Variants in PDE10A observed in about 807,000 individuals in gnomAD.
PDE10A encodes cAMP and cAMP-inhibited cGMP 3',5'-cyclic phosphodiesterase 10A.
In PDE10A, 39 loss-of-function variants were observed where a neutral mutation model predicts 97.7. That is an observed-to-expected ratio of 0.40 (90% CI 0.31 to 0.52). The LOEUF (loss-of-function observed/expected upper bound fraction) is 0.52, where lower values mean the gene tolerates loss of function less well. PDE10A is among the 20% of genes least tolerant of loss of function. The pLI is 0.56. For missense variants in PDE10A, 731 were observed against 1,047.8 expected (o/e 0.70, Z 4.17); for synonymous variants, 371 against 376.8 (o/e 0.98, Z 0.18).
intron 2 of PDE10A, among the ~76,000 whole-genome samples, chr6:165,527,910 G>A (rs571777206): frequency 2.6e-5 from 4 of 152,280 alleles, no homozygotes; most frequent in South Asian, 2.1e-4. Context: ...GGTTCTGCAC[G>A]ATATGCAGGC....
At chr6:165,728,969 G>A (rs1395799181) in intron 1 of PDE10A, among the ~76,000 whole-genome samples, 2 of 152,182 alleles carry the variant, frequency 1.3e-5, no homozygotes, top group Non-Finnish European at 2.9e-5. Flanking sequence ...AGGCCATGGA[G>A]GGAGGATTGC....
intron 1 of PDE10A, among the ~76,000 whole-genome samples, chr6:165,641,999 G>A (rs867091827): frequency 5.1e-5 from 7 of 137,568 alleles, no homozygotes; most frequent in African/African-American, 1.9e-4. Flanking sequence ...ACGCCCATTC[G>A]GGGCGTGGAA....
rs1391649752 is a variant in PDE10A at position 165,691,563 on chromosome 6, G to A, written c.-614-147995C>T. Among the ~76,000 whole-genome samples, 3 of 147,302 alleles carry A rather than the reference G, an allele frequency of 2.0e-5. No homozygotes were observed. In the Admixed American group the frequency reaches 2.1e-4, roughly 10 times the overall value. ...CATTAAGTGATGTGTGACTGTACAC[G>A]TGCCCATGCGCACGCATGCACGCGC... is the stretch of plus-strand genomic sequence containing the variant. On this transcript the variant is annotated intron_variant, in intron 1 of 19. Coordinates refer to the PDE10A transcript ENST00000366882.
chr6:165,702,217 C>T (rs1203197300), intron 1 of PDE10A, among the ~76,000 whole-genome samples: 2 of 152,324 alleles, frequency 1.3e-5, no homozygotes, highest in East Asian at 3.9e-4. Flanking sequence ...CAAAGAACTA[C>T]AAAAGAAAAC....
chr6:165,484,198 G>C (rs1779765573), intron 2 of PDE10A, among the ~76,000 whole-genome samples: 3 of 152,184 alleles, frequency 2.0e-5, no homozygotes, highest in Admixed American at 2.0e-4. Context: ...TTTTCATTTA[G>C]TTGAACTCTC....
Position 165,621,704 on chromosome 6 carries a change from C to T in PDE10A, c.865+40243G>A, listed in dbSNP as rs111476009. Among the ~76,000 whole-genome samples the T allele has an allele frequency of 5.1e-3, 777 of 151,396 alleles. 5 individuals carry two copies. The highest frequency in any genetic ancestry group is 0.018 in the African/African-American group (733 of 41,066). On this transcript the variant is annotated intron_variant, in intron 1 of 21. Transcript: ENST00000539869. ...CTGGGAGGCAGAGGTTGCAGTGAGC[C>T]GAGATTGCGCCACTGAACTCCAGCC... is the stretch of plus-strand genomic sequence containing the variant.
intron 1 of PDE10A, among the ~76,000 whole-genome samples, chr6:165,958,724 A>AGAG (rs1784260386): frequency 4.1e-4 from 6 of 14,616 alleles, no homozygotes; most frequent in African/African-American, 1.0e-3. Flanking sequence ...GAGAAGAAAG[A>AGAG]AAGAAAGAAA....
intron 1 of PDE10A, among the ~76,000 whole-genome samples, chr6:165,846,059 A>G (rs1255700039): frequency 6.6e-6 from 1 of 152,242 alleles, no homozygotes; most frequent in African/African-American, 2.4e-5. Context: ...TACAGAATGC[A>G]TGACAGCCTA....
At chr6:165,727,995 A>C (rs1246534526) in intron 1 of PDE10A, among the ~76,000 whole-genome samples, 1 of 152,250 alleles carries the variant, frequency 6.6e-6, no homozygotes, top group Non-Finnish European at 1.5e-5. Flanking sequence ...TAAGAAAGAC[A>C]AGTGGGTCTT....
intron 1 of PDE10A, among the ~76,000 whole-genome samples, chr6:165,823,516 A>T (rs1562754450): frequency 2.2e-5 from 2 of 92,670 alleles, no homozygotes; most frequent in Non-Finnish European, 5.3e-5. Flanking sequence ...ATATATATAT[A>T]TATATATATG....
intron 3 of PDE10A, among the ~76,000 whole-genome samples, chr6:165,468,566 C>G (rs748506013): frequency 1.4e-4 from 21 of 152,102 alleles, no homozygotes; most frequent in Non-Finnish European, 2.8e-4. Flanking sequence ...ACCCACAATA[C>G]CTTCTAGGTA....
rs117273837 is a variant in PDE10A, at chr6:165,736,762, A to G, written c.-614-193194T>C. ...TCACACTTCAAGGAACTAAAAAAGAACAAACTAAGCCCAAAGTTAGCAGAT... is the reference window on the plus strand; with the variant it reads ...TCACACTTCAAGGAACTAAAAAAGAGCAAACTAAGCCCAAAGTTAGCAGAT... On this transcript the variant is annotated intron_variant, in intron 1 of 19. Transcript: ENST00000366882. Among the ~76,000 whole-genome samples the G allele has an allele frequency of 1.2e-4, 19 of 152,350 alleles. No homozygotes were observed. The East Asian group carries it at 2.7e-3, about 22-fold the overall frequency.
At chr6:165,623,594 T>G (rs1232772443) in intron 1 of PDE10A, among the ~76,000 whole-genome samples, 1 of 152,046 alleles carries the variant, frequency 6.6e-6, no homozygotes, top group Non-Finnish European at 1.5e-5. Flanking sequence ...AATACAAAAT[T>G]ATTCCTATAT....
chr6:165,498,068 A>T (rs753829584), intron 2 of PDE10A, among the ~76,000 whole-genome samples: 1 of 152,062 alleles, frequency 6.6e-6, no homozygotes, highest in Non-Finnish European at 1.5e-5. Flanking sequence ...ATGTTGCTTT[A>T]GTATTTAGGA....
intron 1 of PDE10A, among the ~76,000 whole-genome samples, chr6:165,861,444 G>T (rs994901542): frequency 1.3e-5 from 2 of 151,964 alleles, no homozygotes; most frequent in Non-Finnish European, 2.9e-5. Flanking sequence ...GGGGTGTGCT[G>T]TCAGGTGCTG....
intron 1 of PDE10A, among the ~76,000 whole-genome samples, chr6:165,605,908 T>C (rs1374409632): frequency 2.0e-5 from 3 of 152,204 alleles, no homozygotes; most frequent in Non-Finnish European, 2.9e-5. Context: ...CTGTACAACC[T>C]TTATTAATAT....
intron 1 of PDE10A, among the ~76,000 whole-genome samples, chr6:165,702,836 C>G (rs1791614041): frequency 6.6e-6 from 1 of 152,152 alleles, no homozygotes; most frequent in African/African-American, 2.4e-5. Flanking sequence ...TGCACTAGAA[C>G]CACGTGAATG....
At chr6:165,894,355 C>T (rs1025112926) in intron 1 of PDE10A, 3 of 455,968 alleles carry the variant, frequency 6.6e-6, no homozygotes, top group Admixed American at 2.3e-5. Context: ...CAGACTGAAA[C>T]TACAGAAGGC....
intron 1 of PDE10A, among the ~76,000 whole-genome samples, chr6:165,638,580 T>C (rs540211822): frequency 1.3e-5 from 2 of 152,338 alleles, no homozygotes; most frequent in East Asian, 3.9e-4. Context: ...CTTTATATTT[T>C]ATATTGCCAC....
Sources: gnomAD v4.1 joint callset for allele counts (sites outside exome capture counted in the v4.1 genomes callset) on GRCh38, gnomAD v4.1.1 for gene constraint, MANE v1.5 for transcripts, NCBI Gene and HGNC (gene_info 2026-07-23, HGNC 2026-07-21) for gene names.